The following COL27A1 variants were observed in gnomAD, a reference collection of about 807,000 sequenced individuals.
COL27A1 encodes collagen alpha-1(XXVII) chain.
COL27A1 carries 106 observed loss-of-function variants against 251.3 expected under a neutral mutation model. The observed-to-expected ratio is 0.42, with a 90% CI of 0.36 to 0.50. The LOEUF (loss-of-function observed/expected upper bound fraction) is 0.50, where lower values mean the gene tolerates loss of function less well. Ranked by LOEUF, COL27A1 falls within the 20% of genes least tolerant of loss-of-function variation. The pLI is 0.00. For synonymous variants in COL27A1, 1,000 were observed against 986.3 expected, an observed-to-expected ratio of 1.01 and a Z score of -0.26; for missense variants, 2,325 against 2,522.8, an observed-to-expected ratio of 0.92 and a Z score of 1.68.
chr9:114,237,797 G>T, intron 19 of COL27A1, 82 bp downstream of exon 19: 1 of 1,154,570 alleles, frequency 8.7e-7, no homozygotes, highest in East Asian at 2.4e-5. Context: ...CAGGGATGGG[G>T]AAAGACTTGC....
chr9:114,169,120 C>T lies in COL27A1; in HGVS notation c.1565C>T (p.Ala522Val). 10 of 1,614,176 alleles carry T rather than the reference C, an allele frequency of 6.2e-6. No homozygotes were observed. The highest frequency in any genetic ancestry group is 8.5e-6 in the Non-Finnish European group (10 of 1,180,036). The change falls in exon 3 of 61, where the codon GCC becomes GTC. Residue 522 changes from alanine to valine, a missense_variant. Coordinates refer to ENST00000356083, the MANE Select transcript of COL27A1 (RefSeq NM_032888.4). ...SGTSTPRTAP[A>V]VPTPGSAPTG... is the part of the protein sequence containing the mutation. The stretch of plus-strand genomic sequence containing the variant: ...ACCAGCACTCCCAGAACAGCACCTG[C>T]CGTCCCCACTCCTGGCTCAGCTCCC...
chr9:114,237,667 A>G lies in COL27A1; in HGVS notation c.2679A>G (p.Lys893=), dbSNP rs2135462769. 6.2e-7 allele frequency: 1 copy of G among 1,614,112 alleles called. No homozygotes were observed. The highest frequency in any genetic ancestry group is 8.5e-7 in the Non-Finnish European group (1 of 1,179,982). Residue 893 remains lysine (K), a synonymous_variant, in exon 19 of 61, where the codon AAA becomes AAG. Coordinates refer to ENST00000356083, the MANE Select transcript of COL27A1 (RefSeq NM_032888.4). ...GARGKPGPLG[K]VGDKGSIGFP... is the part of the protein sequence containing the mutation. Reference sequence around the variant, plus strand: ...CAACCTCTTCTCTTCCACAGGGCAAAGTCGGAGACAAAGGATCCATTGGGT... The same window carrying G: ...CAACCTCTTCTCTTCCACAGGGCAAGGTCGGAGACAAAGGATCCATTGGGT...
At chr9:114,305,680 AAG>A (rs1473707704) in intron 57 of COL27A1, among the ~76,000 whole-genome samples, 2 of 152,180 alleles carry the variant, frequency 1.3e-5, no homozygotes, top group African/African-American at 2.4e-5. Context: ...CCACCGGGGA[AAG>A]AGAGTGTAGA....
rs963391774 is a variant in COL27A1, at chr9:114,155,959, G to A, written c.9G>A (p.Ala3=). The A allele has an allele frequency of 1.6e-6, 2 of 1,281,066 alleles. No homozygotes were observed. The highest frequency in any genetic ancestry group is 1.5e-5 in the African/African-American group (1 of 65,792). 79.4% of individuals were successfully genotyped at this position (1,281,066 alleles called of 1,614,324 possible). The change falls in exon 1 of 61, where the codon GCG becomes GCA. Residue 3 remains alanine (A), a synonymous_variant. Transcript: ENST00000356083. The surrounding 1 kb of genome is among the most constrained non-coding windows in gnomAD (Gnocchi z 5.5). MG[A]GSARGARGTA... is the part of the protein sequence containing the mutation. The stretch of plus-strand genomic sequence containing the variant: ...TGAAGTAGGGGCCTGCCATGGGAGC[G>A]GGATCGGCGCGGGGGGCCCGAGGCA...
intron 34 of COL27A1, among the ~76,000 whole-genome samples, chr9:114,268,583 G>A (rs1834901305): frequency 6.6e-6 from 1 of 152,196 alleles, no homozygotes; most frequent in African/African-American, 2.4e-5. Context: ...AGACTGCCCA[G>A]GTTCGGATCA....
intron 13 of COL27A1, among the ~76,000 whole-genome samples, chr9:114,220,856 G>A (rs1404300683): frequency 3.9e-5 from 6 of 152,068 alleles, no homozygotes; most frequent in South Asian, 2.1e-4. Context: ...TTAGCTGGGC[G>A]TGGTGGCAGG....
chr9:114,291,130 TA>T (rs1827884216), intron 48 of COL27A1, among the ~76,000 whole-genome samples: 1 of 152,168 alleles, frequency 6.6e-6, no homozygotes, highest in Non-Finnish European at 1.5e-5. Context: ...ATATCGCCCC[TA>T]CCAGGCCCTT....
Position 114,306,699 on chromosome 9 carries a change from T to C in COL27A1, c.5107+11T>C. Reference sequence around the variant, plus strand: ...AGAAGATGGTGGATGGTGAGAAGGCTTCCTGCCGGGGGTGGGTGCGCCTGG... The same window carrying C: ...AGAAGATGGTGGATGGTGAGAAGGCCTCCTGCCGGGGGTGGGTGCGCCTGG... On this transcript the variant is annotated intron_variant, in intron 58 of 60. Coordinates refer to ENST00000356083, the MANE Select transcript of COL27A1 (RefSeq NM_032888.4). 1 of 1,610,118 alleles carries C rather than the reference T, an allele frequency of 6.2e-7. No homozygotes were observed. Among genetic ancestry groups the C allele is most frequent in the African/African-American group, 1.3e-5 (1 of 74,842 alleles).
chr9:114,218,667 A>G (rs1356009786), intron 12 of COL27A1: 2 of 152,170 alleles, frequency 1.3e-5, no homozygotes, highest in Admixed American at 1.3e-4. Flanking sequence ...GTGAATGTCA[A>G]TCCAAGAGGA....
At chr9:114,199,343 C>T (rs1829414101) in intron 7 of COL27A1, among the ~76,000 whole-genome samples, 1 of 152,140 alleles carries the variant, frequency 6.6e-6, no homozygotes. Flanking sequence ...CCCTCCCATA[C>T]ACATACAAGA....
intron 7 of COL27A1, among the ~76,000 whole-genome samples, chr9:114,196,993 A>T (rs1167081115): frequency 6.6e-6 from 1 of 152,138 alleles, no homozygotes; most frequent in African/African-American, 2.4e-5. Flanking sequence ...TGCCTCACCA[A>T]CCAGGGTGTG....
Position 114,169,329 on chromosome 9 carries a change from T to C in COL27A1, c.1774T>C (p.Leu592=), listed in dbSNP as rs1395717444. The change falls in exon 3 of 61, where the codon TTG becomes CTG. Residue 592 remains leucine, a synonymous_variant. Transcript: ENST00000356083. ...PSQQTTPALV[L]APAQFLSSSP... ...TCAGCAGACCACCCCGGCCCTGGTA[T>C]TGGCCCCGGCGCAATTCCTGTCCTC... 5.0e-6 allele frequency: 8 copies of C among 1,612,718 alleles called. No homozygotes were observed. The highest frequency in any genetic ancestry group is 5.9e-6 in the Non-Finnish European group (7 of 1,179,738).
At chr9:114,175,294 A>T (rs545987510) in intron 3 of COL27A1, among the ~76,000 whole-genome samples, 2 of 152,342 alleles carry the variant, frequency 1.3e-5, no homozygotes, top group South Asian at 4.1e-4. Context: ...TTGCAACGCA[A>T]AGTGGAAAAT....
intron 2 of COL27A1, among the ~76,000 whole-genome samples, chr9:114,163,895 G>C (rs564514031): frequency 2.6e-5 from 4 of 152,336 alleles, no homozygotes; most frequent in South Asian, 2.1e-4. Context: ...TGTGGAGCCA[G>C]GTTTATGTAA....
At chr9:114,258,672 G>C in intron 28 of COL27A1, 78 bp downstream of exon 28, 1 of 1,460,964 alleles carries the variant, frequency 6.8e-7, no homozygotes, top group Non-Finnish European at 9.5e-7. Context: ...GCCAGAGACT[G>C]CCTGGGCTTT....
In COL27A1 at chr9:114,267,514, G is replaced by T. The variant is rs1486756602; in HGVS notation, c.3458G>T (p.Gly1153Val). The T allele has an allele frequency of 6.3e-7, 1 of 1,599,568 alleles. No homozygotes were observed. The highest frequency in any genetic ancestry group is 1.8e-5 in the Admixed American group (1 of 55,694). ...PGEMGPKGPPGAVGEPGLPGE... is the reference protein window; with the variant it reads ...PGEMGPKGPPVAVGEPGLPGE... ...GGCGTTTTCTTTCAGGGGCCGCCTGGTGCAGTGGGAGAACCGGGCCTTCCT... is the reference window on the plus strand; with the variant it reads ...GGCGTTTTCTTTCAGGGGCCGCCTGTTGCAGTGGGAGAACCGGGCCTTCCT... The change falls in exon 34 of 61, where the codon GGT becomes GTT. Residue 1153 changes from glycine to valine, a missense_variant. Physicochemically the swap from Gly to Val is moderately radical, Grantham distance 109. Coordinates refer to ENST00000356083, the MANE Select transcript of COL27A1 (RefSeq NM_032888.4).
chr9:114,227,695 T>C (rs1831585957), intron 14 of COL27A1, among the ~76,000 whole-genome samples: 1 of 152,060 alleles, frequency 6.6e-6, no homozygotes, highest in African/African-American at 2.4e-5. Context: ...GGACCGATTG[T>C]GTTCTTGGTG....
intron 59 of COL27A1, 40 bp from the exon 60 acceptor site, chr9:114,309,220 G>T: frequency 6.3e-7 from 1 of 1,578,738 alleles, no homozygotes; most frequent in African/African-American, 1.3e-5. Context: ...GGGGGTGTGG[G>T]GGGCAGCCTG....
At chr9:114,199,263 T>C (rs1753299274) in intron 7 of COL27A1, among the ~76,000 whole-genome samples, 1 of 151,918 alleles carries the variant, frequency 6.6e-6, no homozygotes, top group African/African-American at 2.4e-5. Flanking sequence ...GGGAGGGAGG[T>C]GCTACTGGCT....
Sources: gnomAD v4.1 joint callset for allele counts (sites outside exome capture counted in the v4.1 genomes callset) on GRCh38, gnomAD v4.1.1 for gene constraint, Gnocchi (gnomAD v3.1) non-coding constraint, MANE v1.5 for transcripts, NCBI Gene and HGNC (gene_info 2026-07-23, HGNC 2026-07-21) for gene names.